YAE1: variants seen among roughly 807,000 people sequenced by gnomAD.
The protein encoded by YAE1 is YAE1 maturation factor of ABCE1, also known as protein YAE1 homolog.
In YAE1, 22 loss-of-function variants were observed where a neutral mutation model predicts 23.0. The ratio of observed to expected loss-of-function variants is 0.96; its 90% CI spans 0.68 to 1.37. YAE1 has a LOEUF of 1.37. YAE1 is among the 40% of genes most tolerant of loss of function. The probability of loss-of-function intolerance (pLI) is 0.00; values close to 1 mark genes in which losing one functional copy is unlikely to be tolerated. For missense variants in YAE1, 260 were observed against 262.1 expected, an observed-to-expected ratio of 0.99 and a Z score of 0.06; for synonymous variants, 101 against 97.0, an observed-to-expected ratio of 1.04 and a Z score of -0.24.
Position 39,577,943 on chromosome 7 carries a change from G to A in YAE1, c.251+7316G>A, listed in dbSNP as rs144640095. Among the ~76,000 whole-genome samples, 455 of 151,966 alleles carry A rather than the reference G, an allele frequency of 3.0e-3. 20 individuals carry two copies. The highest frequency in any genetic ancestry group is 9.5e-3 in the African/African-American group (393 of 41,316). ...CCAGTCAGCACTCTGTGTCTAGCTCGAGGTTTGTAAACACACCAATCAGTG... is the reference window on the plus strand; with the variant it reads ...CCAGTCAGCACTCTGTGTCTAGCTCAAGGTTTGTAAACACACCAATCAGTG... On this transcript the variant is annotated intron_variant, in intron 2 of 2. Coordinates refer to the YAE1 transcript ENST00000432096.
intron 2 of YAE1, among the ~76,000 whole-genome samples, chr7:39,592,452 C>T (rs924823395): frequency 5.3e-5 from 8 of 152,072 alleles, no homozygotes; most frequent in South Asian, 2.1e-4. Context: ...CTTACCATGG[C>T]GTTATAAACC....
At chr7:39,594,616 T>G (rs1432656701) in intron 2 of YAE1, among the ~76,000 whole-genome samples, 1 of 152,070 alleles carries the variant, frequency 6.6e-6, no homozygotes, top group East Asian at 1.9e-4. Context: ...CATTTTTTTT[T>G]TTTGAGACAG....
chr7:39,572,280 T>C lies in YAE1; in HGVS notation c.255T>C (p.Ala85=). The change falls in exon 3 of 3, where the codon GCT becomes GCC. Residue 85 remains alanine, a synonymous_variant. Transcript: ENST00000223273. ...CCTTGTTTATACTTTTGTTCAGTGCTTTGCTCTCCTGGTGTCACCTTCATA... is the reference window on the plus strand; with the variant it reads ...CCTTGTTTATACTTTTGTTCAGTGCCTTGCTCTCCTGGTGTCACCTTCATA... ...NYGRLRGTLS[A]LLSWCHLHNN... 6.2e-7 allele frequency: 1 copy of C among 1,608,294 alleles called. No individual in the cohort carries two copies. The highest frequency in any genetic ancestry group is 8.5e-7 in the Non-Finnish European group (1 of 1,176,648).
At chr7:39,574,562 G>A (rs554595139), downstream of YAE1, among the ~76,000 whole-genome samples, 16 of 152,038 alleles carry the variant, frequency 1.1e-4, no homozygotes, top group Non-Finnish European at 2.1e-4. Context: ...GTGAAACCCC[G>A]TCTCTGCTAA....
At chr7:39,611,382 C>T (rs866727142), downstream of YAE1, among the ~76,000 whole-genome samples, 1 of 152,160 alleles carries the variant, frequency 6.6e-6, no homozygotes, top group African/African-American at 2.4e-5. Context: ...TCACTGGGTC[C>T]TGAACCTCTA....
intron 2 of YAE1, among the ~76,000 whole-genome samples, chr7:39,583,081 A>G (rs1245961539): frequency 6.6e-6 from 1 of 152,222 alleles, no homozygotes; most frequent in Non-Finnish European, 1.5e-5. Context: ...GTAGAGAAAA[A>G]TTAGAATAAC....
At chr7:39,582,951 C>T (rs980397818) in intron 2 of YAE1, among the ~76,000 whole-genome samples, 1 of 152,154 alleles carries the variant, frequency 6.6e-6, no homozygotes, top group Non-Finnish European at 1.5e-5. Context: ...TGTATCAAAT[C>T]AAAGCCATTT....
intron 2 of YAE1, among the ~76,000 whole-genome samples, chr7:39,592,326 A>G (rs1445250007): frequency 6.6e-6 from 1 of 151,256 alleles, no homozygotes. Context: ...CTGTGGCTTC[A>G]TATCCTCATC....
chr7:39,607,794 G>T (rs537931033), intron 2 of YAE1, among the ~76,000 whole-genome samples: 11 of 152,262 alleles, frequency 7.2e-5, no homozygotes, highest in Admixed American at 7.2e-4. Flanking sequence ...TCAGCCTCCT[G>T]AGTAGCTGGG....
chr7:39,606,223 G>A (rs968920757), intron 2 of YAE1, among the ~76,000 whole-genome samples: 3 of 152,084 alleles, frequency 2.0e-5, no homozygotes, highest in African/African-American at 7.2e-5. Flanking sequence ...GTCAGAAGTA[G>A]AATAGAAGGA....
intron 2 of YAE1, among the ~76,000 whole-genome samples, chr7:39,606,383 G>A (rs983344925): frequency 2.0e-5 from 3 of 152,178 alleles, no homozygotes; most frequent in African/African-American, 7.2e-5. Flanking sequence ...AAACACCTAC[G>A]TGTAGTTAAA....
At chr7:39,580,119 G>T (rs1427221309) in intron 2 of YAE1, among the ~76,000 whole-genome samples, 6 of 152,200 alleles carry the variant, frequency 3.9e-5, no homozygotes, top group Non-Finnish European at 7.3e-5. Context: ...TGCTATACAT[G>T]TAGAAAAAGA....
rs778631480 is a variant in YAE1 at position 39,566,589 on chromosome 7, A to C, written c.129+42A>C. 23 of 1,609,104 alleles carry C rather than the reference A, an allele frequency of 1.4e-5. No individual in the cohort carries two copies. In the Admixed American group the frequency reaches 3.8e-4, roughly 27 times the overall value. On this transcript the variant is annotated intron_variant, in intron 1 of 2. Coordinates refer to ENST00000223273, the MANE Select transcript of YAE1 (RefSeq NM_020192.5). ...CGGCGCGGGGTGCTGGGTTGTGGGA[A>C]GAGGCGCGGAGTTGTGAAGAAGCTG...
chr7:39,585,095 C>T (rs1162595966), intron 2 of YAE1, among the ~76,000 whole-genome samples: 2 of 152,188 alleles, frequency 1.3e-5, no homozygotes. Context: ...CTGACCAACA[C>T]ATTGTTCTTA....
intron 2 of YAE1, among the ~76,000 whole-genome samples, chr7:39,571,479 C>T (rs1562589269): frequency 6.6e-6 from 1 of 151,540 alleles, no homozygotes; most frequent in East Asian, 1.9e-4. Flanking sequence ...ATAAAAGTTA[C>T]CAAAACAAAC....
At chr7:39,587,711 G>A (rs1790840464) in intron 2 of YAE1, among the ~76,000 whole-genome samples, 1 of 152,168 alleles carries the variant, frequency 6.6e-6, no homozygotes, top group African/African-American at 2.4e-5. Context: ...ATATTTTGCT[G>A]TGGAGTATCT....
At chr7:39,592,261 A>C (rs1220106599) in intron 2 of YAE1, among the ~76,000 whole-genome samples, 1 of 151,492 alleles carries the variant, frequency 6.6e-6, no homozygotes, top group Non-Finnish European at 1.5e-5. Flanking sequence ...CCACCAAACT[A>C]TCTTCCAGAG....
chr7:39,602,104 A>G (rs574472183), intron 2 of YAE1, among the ~76,000 whole-genome samples: 1 of 152,336 alleles, frequency 6.6e-6, no homozygotes, highest in Non-Finnish European at 1.5e-5. Context: ...ATTGTCCTGG[A>G]ATCATGTTTG....
chr7:39,601,708 G>A (rs1411597331), intron 2 of YAE1, among the ~76,000 whole-genome samples: 4 of 148,780 alleles, frequency 2.7e-5, no homozygotes, highest in East Asian at 2.0e-4. Context: ...TCAGTGAGCC[G>A]AGATGGAGCC....
Sources: allele counts gnomAD v4.1 joint callset (sites outside exome capture counted in the v4.1 genomes callset), GRCh38; gene constraint gnomAD v4.1.1; transcripts MANE v1.5; gene names NCBI Gene and HGNC (gene_info 2026-07-23, HGNC 2026-07-21).